The following MGST1 variants were observed in gnomAD, a reference collection of about 807,000 sequenced individuals.
The protein encoded by MGST1 is microsomal glutathione S-transferase 1.
A neutral mutation model predicts 8.9 loss-of-function variants in MGST1; 5 were observed. That is an observed-to-expected ratio of 0.56 (90% CI 0.29 to 1.19). The LOEUF (loss-of-function observed/expected upper bound fraction) is 1.19, where lower values mean the gene tolerates loss of function less well. Among genes scored for constraint, MGST1 ranks in the 50% most tolerant of loss-of-function variants. The probability of loss-of-function intolerance (pLI) is 0.08; values close to 1 mark genes in which losing one functional copy is unlikely to be tolerated. For missense variants in MGST1, 182 were observed against 187.4 expected (o/e 0.97, Z 0.17); for synonymous variants, 54 against 67.8 (o/e 0.80, Z 1.00).
At chr12:16,433,905 A>G (rs969983125) in intron 1 of MGST1, among the ~76,000 whole-genome samples, 1 of 152,114 alleles carries the variant, frequency 6.6e-6, no homozygotes, top group Admixed American at 6.6e-5. Context: ...CCAGTAGTCC[A>G]TGTCAATTTT....
intron 1 of MGST1, among the ~76,000 whole-genome samples, chr12:16,425,223 A>G (rs1195573697): frequency 6.6e-6 from 1 of 152,224 alleles, no homozygotes; most frequent in Non-Finnish European, 1.5e-5. Flanking sequence ...AGCCAAAAGT[A>G]ATAAAATAGC....
At chr12:16,575,958 G>C (rs1942982224) in intron 4 of MGST1, among the ~76,000 whole-genome samples, 1 of 152,006 alleles carries the variant, frequency 6.6e-6, no homozygotes, top group Non-Finnish European at 1.5e-5. Flanking sequence ...CAAGTCCCTC[G>C]AGCCACAGGT....
intron 1 of MGST1, chr12:16,402,022 T>A: frequency 3.1e-6 from 5 of 1,600,766 alleles, no homozygotes; most frequent in Non-Finnish European, 4.3e-6. Context: ...AACACTCCAA[T>A]CTTCTTGCCA....
rs1433533002 is a variant in MGST1 at position 16,500,848 on chromosome 12, G to A, written n.483-88680G>A. Among the ~76,000 whole-genome samples, 2 of 152,210 alleles carry A rather than the reference G, an allele frequency of 1.3e-5. No individual in the cohort carries two copies. The highest frequency in any genetic ancestry group is 4.8e-5 in the African/African-American group (2 of 41,460). On this transcript the variant is annotated intron_variant and non_coding_transcript_variant, in intron 4 of 4. Coordinates refer to the MGST1 transcript ENST00000538857. This position sits in a 1 kb window ranked among gnomAD's most constrained non-coding sequence, Gnocchi z 4.3. ...AGGTTGGGCGTGGTGGCTCACGCCT[G>A]TAATCCCAGCACTTTGGGAGACCAA...
Position 16,363,806 on chromosome 12 carries a change from A to G in MGST1, c.233A>G (p.Asn78Ser). 1 of 1,603,252 alleles carries G rather than the reference A, an allele frequency of 6.2e-7. No homozygotes were observed. Among genetic ancestry groups the G allele is most frequent in the Non-Finnish European group, 8.5e-7 (1 of 1,171,308 alleles). Residue 78 changes from asparagine (N) to serine (S), a missense_variant, in exon 4 of 4, where the codon AAT (asparagine) becomes AGT (serine). Transcript: ENST00000396210. The surrounding 1 kb of genome is among the most constrained non-coding windows in gnomAD (Gnocchi z 4.6). ...RVERVRRAHL[N>S]DLENIIPFLG... ...ATCTTTTTCCACAGAGCCCACCTGA[A>G]TGACCTTGAAAATATTATTCCATTT...
intron 4 of MGST1, among the ~76,000 whole-genome samples, chr12:16,520,590 A>G (rs1380307245): frequency 6.6e-6 from 1 of 152,020 alleles, no homozygotes; most frequent in Non-Finnish European, 1.5e-5. Flanking sequence ...TGGTGTGGGA[A>G]ACAATAGGGA....
chr12:16,373,349 G>C (rs1262888423), intron 3 of MGST1, among the ~76,000 whole-genome samples: 2 of 151,674 alleles, frequency 1.3e-5, no homozygotes, highest in African/African-American at 4.8e-5. Context: ...AGCACAATAA[G>C]GTGACTATAG....
In MGST1 at chr12:16,468,895, T is replaced by A. The variant is rs968055978; in HGVS notation, n.482+85291T>A. 2.6e-5 allele frequency among the ~76,000 whole-genome samples: 4 copies of A among 152,214 alleles called. 1 individual carries two copies. Among genetic ancestry groups the A allele is most frequent in the Non-Finnish European group, 5.9e-5 (4 of 68,046 alleles). On this transcript the variant is annotated intron_variant and non_coding_transcript_variant, in intron 4 of 4. Coordinates refer to the MGST1 transcript ENST00000538857. ...CTGGCCTGTGTCCAGTTATTTCTTA[T>A]GACACTGCTGTCCTCTGCTTCTTTC... is the stretch of plus-strand genomic sequence containing the variant.
chr12:16,399,422 T>G (rs1327462515), intron 1 of MGST1: 1 of 1,526,574 alleles, frequency 6.6e-7, no homozygotes, highest in East Asian at 2.2e-5. Flanking sequence ...TATAACAACT[T>G]TCTTGGTCCG....
intron 1 of MGST1, among the ~76,000 whole-genome samples, chr12:16,435,107 C>T (rs1027249517): frequency 1.8e-4 from 28 of 151,880 alleles, no homozygotes; most frequent in Non-Finnish European, 2.9e-4. Flanking sequence ...CTGCTATATG[C>T]CAATGTACCA....
intron 1 of MGST1, among the ~76,000 whole-genome samples, chr12:16,392,064 C>G (rs1343669945): frequency 6.6e-6 from 1 of 151,986 alleles, no homozygotes; most frequent in East Asian, 1.9e-4. Flanking sequence ...GGTGTGTGGC[C>G]TTTTTTCTGG....
chr12:16,481,130 AAAAC>A (rs1168078644), intron 4 of MGST1, among the ~76,000 whole-genome samples: 2 of 152,166 alleles, frequency 1.3e-5, no homozygotes, highest in Non-Finnish European at 2.9e-5. Flanking sequence ...AGACCTCACC[AAAAC>A]AAACAAACAA....
chr12:16,461,686 T>C (rs977227708), intron 4 of MGST1, among the ~76,000 whole-genome samples: 2 of 152,152 alleles, frequency 1.3e-5, no homozygotes, highest in African/African-American at 4.8e-5. Context: ...TTTCCAATTA[T>C]TAGCAAAAAA....
Position 16,490,796 on chromosome 12 carries a change from A to G in MGST1, n.483-98732A>G, listed in dbSNP as rs546136210. Among the ~76,000 whole-genome samples the G allele has an allele frequency of 2.6e-5, 4 of 152,314 alleles. No individual in the cohort carries two copies. The South Asian group carries it at 8.3e-4, about 32-fold the overall frequency. On this transcript the variant is annotated intron_variant and non_coding_transcript_variant, in intron 4 of 4. Coordinates refer to the MGST1 transcript ENST00000538857. ...CTGAGCATGGTTAATTAACTCCTCC[A>G]TCAAAATCCCTCCATCCATCCCGGG...
intron 1 of MGST1, among the ~76,000 whole-genome samples, chr12:16,393,588 G>C (rs2137054577): frequency 6.6e-6 from 1 of 152,334 alleles, no homozygotes; most frequent in African/African-American, 2.4e-5. Context: ...AGAGTTGATG[G>C]ATGTAATTAA....
intron 4 of MGST1, among the ~76,000 whole-genome samples, chr12:16,499,214 G>T (rs1941489096): frequency 6.6e-6 from 1 of 152,148 alleles, no homozygotes; most frequent in African/African-American, 2.4e-5. Flanking sequence ...AAATTTACAT[G>T]TTTAACTACG....
chr12:16,448,283 A>G (rs1333584541), intron 4 of MGST1, among the ~76,000 whole-genome samples: 13 of 151,866 alleles, frequency 8.6e-5, no homozygotes, highest in Admixed American at 8.6e-4. Context: ...AAGAGATTGT[A>G]TGGATTTGTG....
intron 4 of MGST1, among the ~76,000 whole-genome samples, chr12:16,476,615 A>G (rs1225386565): frequency 6.6e-6 from 1 of 152,210 alleles, no homozygotes; most frequent in African/African-American, 2.4e-5. Flanking sequence ...AGTTGGTTAA[A>G]CATATTGGTT....
chr12:16,516,025 C>T (rs1275453176), intron 4 of MGST1, among the ~76,000 whole-genome samples: 1 of 152,164 alleles, frequency 6.6e-6, no homozygotes, highest in South Asian at 2.1e-4. Context: ...CCGCCCCCCA[C>T]CCTGCCACCC....
Sources: gnomAD v4.1 joint callset for allele counts (sites outside exome capture counted in the v4.1 genomes callset) on GRCh38, gnomAD v4.1.1 for gene constraint, Gnocchi (gnomAD v3.1) non-coding constraint, MANE v1.5 for transcripts, NCBI Gene and HGNC (gene_info 2026-07-23, HGNC 2026-07-21) for gene names.